The following COTL1 variants were observed in gnomAD, a reference collection of about 807,000 sequenced individuals.
COTL1 encodes the protein coactosin-like protein.
A neutral mutation model predicts 16.5 loss-of-function variants in COTL1; 15 were observed. That is an observed-to-expected ratio of 0.91 (90% CI 0.61 to 1.40). COTL1 has a LOEUF of 1.40. COTL1 is among the 40% of genes most tolerant of loss of function. The pLI, the probability that COTL1 is intolerant of heterozygous loss-of-function variation, is 0.00. For synonymous variants in COTL1, 112 were observed against 85.3 expected (o/e 1.31, Z -1.73); for missense variants, 220 against 201.5 (o/e 1.09, Z -0.56).
intron 3 of COTL1, among the ~76,000 whole-genome samples, chr16:84,589,002 G>A (rs996802924): frequency 1.3e-5 from 2 of 151,188 alleles, no homozygotes; most frequent in African/African-American, 2.4e-5. Flanking sequence ...ACAGGAATTC[G>A]CTCTGTTGCC....
intron 3 of COTL1, among the ~76,000 whole-genome samples, chr16:84,583,014 T>G (rs1045618191): frequency 3.3e-5 from 5 of 152,224 alleles, no homozygotes; most frequent in Admixed American, 2.6e-4. Flanking sequence ...TAAAAACTAA[T>G]TTCATGTGCA....
At position 84,590,862 on chromosome 16, in the gene COTL1, G is replaced by A. The variant is rs377412953; in HGVS notation, c.161-600C>T. ...GAGGGGCAAGGGGGGTGCTGGGTAT[G>A]AAGAGGAAACAAAGAAAATGGCTCT... On this transcript the variant is annotated intron_variant, in intron 2 of 3. Transcript: ENST00000262428. This position sits in a 1 kb window ranked among gnomAD's most constrained non-coding sequence, Gnocchi z 5.5. Among the ~76,000 whole-genome samples, 13 of 152,248 alleles carry A rather than the reference G, an allele frequency of 8.5e-5. No homozygotes were observed. The South Asian group carries it at 2.1e-3, about 24-fold the overall frequency.
intron 3 of COTL1, chr16:84,576,707 A>C (rs1192754359): frequency 3.3e-5 from 5 of 152,424 alleles, no homozygotes; most frequent in Admixed American, 2.6e-4. Flanking sequence ...CCTCCAGAGC[A>C]CATAGACACG....
intron 3 of COTL1, among the ~76,000 whole-genome samples, chr16:84,583,923 T>G (rs1444443639): frequency 6.6e-6 from 1 of 152,140 alleles, no homozygotes; most frequent in African/African-American, 2.4e-5. Context: ...CCTGGCTCCG[T>G]GAACGTTCAT....
At chr16:84,597,915 T>C (rs1245789888) in intron 2 of COTL1, among the ~76,000 whole-genome samples, 1 of 152,148 alleles carries the variant, frequency 6.6e-6, no homozygotes, top group Admixed American at 6.5e-5. Flanking sequence ...AGCTACTGAC[T>C]ATCAGCCCTG....
chr16:84,610,586 T>G (rs183343026), intron 2 of COTL1, among the ~76,000 whole-genome samples: 114 of 152,326 alleles, frequency 7.5e-4, no homozygotes, highest in Non-Finnish European at 1.4e-3. Context: ...CAAGGGCCCT[T>G]GAACCAATCG....
At chr16:84,612,347 G>A (rs753241922) in intron 2 of COTL1, among the ~76,000 whole-genome samples, 3 of 152,096 alleles carry the variant, frequency 2.0e-5, no homozygotes, top group Non-Finnish European at 2.9e-5. Context: ...CCGGGCCAAG[G>A]GTCTAATGCG....
intron 3 of COTL1, among the ~76,000 whole-genome samples, chr16:84,570,118 A>C (rs1904317869): frequency 6.6e-6 from 1 of 152,330 alleles, no homozygotes; most frequent in South Asian, 2.1e-4. Flanking sequence ...TCTACTAAAA[A>C]TATAAAAATC....
chr16:84,605,004 C>T (rs547728317), intron 2 of COTL1, among the ~76,000 whole-genome samples: 107 of 152,330 alleles, frequency 7.0e-4, no homozygotes, highest in African/African-American at 2.5e-3. Context: ...CTCTCCAGGG[C>T]AGGAGGGAAC....
At position 84,590,058 on chromosome 16, in the gene COTL1, T is replaced by C. The variant is rs771413986; in HGVS notation, c.318+47A>G. The C allele has an allele frequency of 6.4e-7, 1 of 1,570,264 alleles. No homozygotes were observed. Among genetic ancestry groups the C allele is most frequent in the African/African-American group, 1.3e-5 (1 of 74,232 alleles). On this transcript the variant is annotated intron_variant, in intron 3 of 3. Coordinates refer to ENST00000262428, the MANE Select transcript of COTL1 (RefSeq NM_021149.5). The surrounding 1 kb of genome is among the most constrained non-coding windows in gnomAD (Gnocchi z 5.5). ...AGCCCTCTCCCTCCTTGCAGGATGG[T>C]GACCCTTGGCGAGCTTTGACCTCCA...
intron 2 of COTL1, among the ~76,000 whole-genome samples, chr16:84,598,512 C>T (rs888223393): frequency 7.9e-5 from 12 of 152,132 alleles, no homozygotes; most frequent in African/African-American, 2.9e-4. Context: ...ACTCAGCAGC[C>T]GGCCCTGGTG....
chr16:84,610,961 A>G (rs1302362070), intron 2 of COTL1, among the ~76,000 whole-genome samples: 1 of 152,114 alleles, frequency 6.6e-6, no homozygotes, highest in Non-Finnish European at 1.5e-5. Flanking sequence ...GATATGTAAC[A>G]CCTTCTGAAG....
intron 2 of COTL1, among the ~76,000 whole-genome samples, chr16:84,612,090 T>C (rs1395583717): frequency 6.6e-6 from 1 of 152,144 alleles, no homozygotes. Context: ...TCCACATCAC[T>C]TGAATTCCAA....
intron 2 of COTL1, chr16:84,595,584 AG>A (rs1567536786): frequency 6.6e-6 from 1 of 152,172 alleles, no homozygotes; most frequent in African/African-American, 2.4e-5. Context: ...CCCCAGTGGC[AG>A]TCACAGCCCC....
chr16:84,592,232 C>T (rs1904887962), intron 2 of COTL1, among the ~76,000 whole-genome samples: 1 of 152,208 alleles, frequency 6.6e-6, no homozygotes, highest in South Asian at 2.1e-4. Flanking sequence ...TTGAGGGGAT[C>T]ACATATCCTT....
chr16:84,567,263 C>A, intron 3 of COTL1: 1 of 278,672 alleles, frequency 3.6e-6, no homozygotes. Context: ...TTACCTTGGC[C>A]AAGTCCCTTC....
intron 3 of COTL1, among the ~76,000 whole-genome samples, chr16:84,585,487 C>A (rs1904698746): frequency 6.6e-6 from 1 of 152,088 alleles, no homozygotes; most frequent in East Asian, 1.9e-4. Flanking sequence ...GTCAAAAAGT[C>A]AAGGGTTTAT....
chr16:84,609,701 A>AG (rs1597186055), intron 2 of COTL1, among the ~76,000 whole-genome samples: 1 of 152,164 alleles, frequency 6.6e-6, no homozygotes, highest in Non-Finnish European at 1.5e-5. Flanking sequence ...TAATTGACTC[A>AG]GGGGGGCAGT....
At chr16:84,569,464 C>T (rs1904313300) in intron 3 of COTL1, among the ~76,000 whole-genome samples, 2 of 152,098 alleles carry the variant, frequency 1.3e-5, no homozygotes, top group African/African-American at 4.8e-5. Flanking sequence ...AATAAAAAGA[C>T]AATGCATTTG....
Sources: allele counts gnomAD v4.1 joint callset (sites outside exome capture counted in the v4.1 genomes callset), GRCh38; gene constraint gnomAD v4.1.1; non-coding constraint Gnocchi (gnomAD v3.1); transcripts MANE v1.5; gene names NCBI Gene and HGNC (gene_info 2026-07-23, HGNC 2026-07-21).